SH3GL1: variants seen among roughly 807,000 people sequenced by gnomAD.
SH3GL1 encodes endophilin-A2.
In SH3GL1, 21 loss-of-function variants were observed where a neutral mutation model predicts 48.8. That is an observed-to-expected ratio of 0.43 (90% CI 0.30 to 0.62). SH3GL1 has a LOEUF of 0.62. Ranked by LOEUF, SH3GL1 falls within the 20% of genes least tolerant of loss-of-function variation. SH3GL1 has a pLI of 0.11. For synonymous variants in SH3GL1, 282 were observed against 217.5 expected, an observed-to-expected ratio of 1.30 and a Z score of -2.61; for missense variants, 454 against 503.0, an observed-to-expected ratio of 0.90 and a Z score of 0.93.
intron 2 of SH3GL1, 50 bp from the exon 3 acceptor site, chr19:4,366,623 G>A (rs1972786354): frequency 3.9e-6 from 6 of 1,538,100 alleles, no homozygotes; most frequent in Non-Finnish European, 5.4e-6. Flanking sequence ...GGGGCCCAAG[G>A]CACACAAGAC....
At chr19:4,395,941 A>G (rs1199551132) in intron 1 of SH3GL1, 1 of 152,012 alleles carries the variant, frequency 6.6e-6, no homozygotes, top group Non-Finnish European at 1.5e-5. Context: ...CAGTTGTCAC[A>G]ATATGTATAT....
chr19:4,397,263 G>C (rs1021437776), intron 1 of SH3GL1, among the ~76,000 whole-genome samples: 60 of 152,336 alleles, frequency 3.9e-4, no homozygotes, highest in African/African-American at 1.4e-3. Flanking sequence ...CAAGACGACA[G>C]CCCCGAGGGT....
intron 1 of SH3GL1, among the ~76,000 whole-genome samples, chr19:4,383,650 T>A (rs1229735275): frequency 1.3e-5 from 2 of 152,190 alleles, no homozygotes; most frequent in Admixed American, 1.3e-4. Context: ...TCTGTGAGGC[T>A]CATCCCAGCC....
chr19:4,369,964 C>T (rs564549001), intron 1 of SH3GL1, among the ~76,000 whole-genome samples: 4 of 152,382 alleles, frequency 2.6e-5, no homozygotes, highest in Middle Eastern at 3.4e-3. Context: ...CCACGTGCAG[C>T]GCCGGCCGCA....
intron 1 of SH3GL1, among the ~76,000 whole-genome samples, chr19:4,384,923 G>A (rs750295205): frequency 2.0e-5 from 3 of 152,148 alleles, no homozygotes; most frequent in Non-Finnish European, 4.4e-5. Flanking sequence ...GGCCAACATG[G>A]TGAAACCTTG....
intron 1 of SH3GL1, chr19:4,390,089 C>CT (rs1355375996): frequency 3.3e-5 from 5 of 152,414 alleles, no homozygotes; most frequent in Admixed American, 3.3e-4. Context: ...CGGGAGCCCC[C>CT]TCCCAGGCGG....
intron 1 of SH3GL1, among the ~76,000 whole-genome samples, chr19:4,368,358 A>G (rs114708728): frequency 0.011 from 1,616 of 152,304 alleles, 28 homozygotes; most frequent in African/African-American, 0.036. Context: ...GTGCGGGGGC[A>G]GGAGAAGCTT....
At chr19:4,364,391 TCCCAAGTAGCCGGGA>T in intron 4 of SH3GL1, 170 bp from the exon 5 acceptor site, 1 of 770,394 alleles carries the variant, frequency 1.3e-6, no homozygotes, top group African/African-American at 1.7e-5. Context: ...CACCTCAGCC[TCCCAAGTAGCCGGGA>T]CCACAGGCGT....
At chr19:4,362,181 C>G (rs1211699195) in intron 9 of SH3GL1, 148 bp downstream of exon 9, 1 of 845,924 alleles carries the variant, frequency 1.2e-6, no homozygotes, top group Non-Finnish European at 1.9e-6. Flanking sequence ...TGGCATCTTG[C>G]AGGCTGTGGG....
In SH3GL1 at chr19:4,361,802, G is replaced by T; in HGVS notation, c.911-6C>A. The T allele has an allele frequency of 6.3e-7, 1 of 1,599,030 alleles. No individual in the cohort carries two copies. On this transcript the variant is annotated splice_polypyrimidine_tract_variant and splice_region_variant and intron_variant, in intron 9 of 9. Transcript: ENST00000269886. ...GCTCGGCTGGTCCAGGGGCGCTGGG[G>T]GCGGGAGCGGGCTGTGGGGCTGGGG...
At chr19:4,365,368 G>C in intron 4 of SH3GL1, 114 bp downstream of exon 4, 1 of 1,397,752 alleles carries the variant, frequency 7.2e-7, no homozygotes, top group Non-Finnish European at 1.0e-6. Flanking sequence ...GAAAGCTGTG[G>C]GGGCCACTGT....
chr19:4,366,559 G>A lies in SH3GL1; in HGVS notation c.129C>T (p.Thr43=), dbSNP rs767836808. Residue 43 remains threonine, a synonymous_variant, in exon 3 of 10, where the codon ACC becomes ACT. Transcript: ENST00000269886. The stretch of plus-strand genomic sequence containing the variant: ...CCAGCACTTCTGTCACCGCCTTGCT[G>A]GTGACATCCACCTTCTGTGAAGAGA... ...FKEMEKKVDV[T]SKAVTEVLAR... is the part of the protein sequence containing the mutation. 3.3e-5 allele frequency: 53 copies of A among 1,612,002 alleles called. No homozygotes were observed. The highest frequency in any genetic ancestry group is 4.3e-5 in the Non-Finnish European group (51 of 1,179,544).
At chr19:4,368,484 T>G (rs1972829713) in intron 1 of SH3GL1, among the ~76,000 whole-genome samples, 1 of 152,200 alleles carries the variant, frequency 6.6e-6, no homozygotes, top group African/African-American at 2.4e-5. Flanking sequence ...CTGCAAAAGG[T>G]AGCCTGCCCG....
intron 1 of SH3GL1, among the ~76,000 whole-genome samples, chr19:4,368,697 T>C (rs968006998): frequency 1.3e-5 from 2 of 152,174 alleles, no homozygotes; most frequent in African/African-American, 2.4e-5. Context: ...ACAGGCCCCA[T>C]GCCTCTGACC....
intron 4 of SH3GL1, chr19:4,364,780 C>A (rs11670201): frequency 0.18 from 28,067 of 160,214 alleles, 3,020 homozygotes; most frequent in Admixed American, 0.25. Context: ...CTCACTGCAA[C>A]CTCCACCTCC....
chr19:4,362,918 C>T (rs1972663596), intron 7 of SH3GL1, among the ~76,000 whole-genome samples, 182 bp from the exon 8 acceptor site: 1 of 152,164 alleles, frequency 6.6e-6, no homozygotes, highest in Non-Finnish European at 1.5e-5. Flanking sequence ...GGGCCTCCAG[C>T]CTGGACCCCC....
At chr19:4,386,257 G>A (rs1430510826) in intron 1 of SH3GL1, among the ~76,000 whole-genome samples, 2 of 152,198 alleles carry the variant, frequency 1.3e-5, no homozygotes, top group Non-Finnish European at 2.9e-5. Context: ...ACAGAGGCGG[G>A]TGGCAAGGGA....
chr19:4,364,978 T>C lies in SH3GL1; in HGVS notation c.331+504A>G, dbSNP rs532266947. Among the ~76,000 whole-genome samples, 5 of 147,692 alleles carry C rather than the reference T, an allele frequency of 3.4e-5. No individual in the cohort carries two copies. In the South Asian group the frequency reaches 6.5e-4, roughly 19 times the overall value. ...CCATATTGGTCTTGCTGGTCTCGAA[T>C]TCCCGATCTCAGGTGATCCACCTGC... is the stretch of plus-strand genomic sequence containing the variant. On this transcript the variant is annotated intron_variant, in intron 4 of 9. Transcript: ENST00000269886.
chr19:4,399,215 G>C (rs1319730881), intron 1 of SH3GL1, among the ~76,000 whole-genome samples: 2 of 151,168 alleles, frequency 1.3e-5, no homozygotes, highest in African/African-American at 4.9e-5. Context: ...AGCTACTGGG[G>C]AGGCTGAGGC....
Sources: allele counts gnomAD v4.1 joint callset (sites outside exome capture counted in the v4.1 genomes callset), GRCh38; gene constraint gnomAD v4.1.1; transcripts MANE v1.5; gene names NCBI Gene and HGNC (gene_info 2026-07-23, HGNC 2026-07-21).